TWNK: variants seen among roughly 807,000 people sequenced by gnomAD.
TWNK encodes T7 gp4-like protein with intramitochondrial nucleoid localization.
Under a neutral mutation model 58.2 loss-of-function variants are expected in TWNK, and 36 were observed. That is an observed-to-expected ratio of 0.62 (90% CI 0.47 to 0.82). The LOEUF (loss-of-function observed/expected upper bound fraction) is 0.82. TWNK is among the 40% of genes least tolerant of loss of function. The probability of loss-of-function intolerance (pLI) is 0.00; values close to 1 mark genes in which losing one functional copy is unlikely to be tolerated. For synonymous variants in TWNK, 349 were observed against 348.5 expected, an observed-to-expected ratio of 1.00 and a Z score of -0.02; for missense variants, 714 against 881.0, an observed-to-expected ratio of 0.81 and a Z score of 2.40.
In TWNK at chr10:100,987,993, TAGA is replaced by T. The variant is rs906706124; in HGVS notation, c.-215_-213del. 2.3e-5 allele frequency: 15 copies of T among 650,896 alleles called. No homozygotes were observed. In the African/African-American group the frequency reaches 2.7e-4, roughly 12 times the overall value. The allele number at this position is 650,896 out of a possible 1,614,324, so 40.3% of individuals were successfully genotyped here. A position where few individuals can be genotyped will look rare whatever the true frequency, so the allele number is the denominator to read the frequency against. On this transcript the variant is annotated 5_prime_UTR_variant, in exon 1 of 5. Transcript: ENST00000311916. ...GACCATAGAGGTGGGGGAGCCATTG[TAGA>T]AGGACGTGGACGCGAAAGGGTCGTG...
intron 4 of TWNK, 176 bp downstream of exon 4, chr10:100,991,186 G>C: frequency 1.1e-6 from 1 of 925,132 alleles, no homozygotes. Context: ...GCTGATAGTT[G>C]GTTCTTATGC....
In TWNK at chr10:100,989,305, G is replaced by A; in HGVS notation, c.1095G>A (p.Lys365=). 1 of 1,614,178 alleles carries A rather than the reference G, an allele frequency of 6.2e-7. No individual in the cohort carries two copies. The change falls in exon 1 of 5, where the codon AAG becomes AAA. Residue 365 remains lysine, a synonymous_variant. Coordinates refer to ENST00000311916, the MANE Select transcript of TWNK (RefSeq NM_021830.5). The surrounding 1 kb of genome is among the most constrained non-coding windows in gnomAD (Gnocchi z 7.6). ...GTACCGCCCTGCCTGCCTGGCACAAGTCCATCGTATCTTTCCGGCAGCTTC... is the reference window on the plus strand; with the variant it reads ...GTACCGCCCTGCCTGCCTGGCACAAATCCATCGTATCTTTCCGGCAGCTTC... ...ILRTALPAWH[K]SIVSFRQLRE... is the part of the protein sequence containing the mutation.
rs1851679463 is a variant in TWNK at position 100,989,016 on chromosome 10, G to A, written c.806G>A (p.Ser269Asn). Residue 269 changes from serine to asparagine, a missense_variant, in exon 1 of 5, where the codon AGC becomes AAC. By Grantham distance (46) the Ser-to-Asn change is conservative (BLOSUM62 1). Around this residue, in one of 3 missense-constraint regions of TWNK, gnomAD observed 348 missense variants for 388.4 expected, o/e 0.90. Coordinates refer to ENST00000311916, the MANE Select transcript of TWNK (RefSeq NM_021830.5). The surrounding 1 kb of genome is among the most constrained non-coding windows in gnomAD (Gnocchi z 7.6). ...GTACTGACGAGTCGTGAGCTTGACA[G>A]CCTGGCCTTGAACCAGTCCACGGGG... The part of the protein sequence containing the change: ...EVVLTSRELD[S>N]LALNQSTGLP... 1.2e-6 allele frequency: 2 copies of A among 1,614,180 alleles called. No homozygotes were observed. Among genetic ancestry groups the A allele is most frequent in the Non-Finnish European group, 1.7e-6 (2 of 1,180,030 alleles).
chr10:100,988,743 C>T lies in TWNK; in HGVS notation c.533C>T (p.Thr178Ile). The change falls in exon 1 of 5, where the codon ACA becomes ATA. Residue 178 changes from threonine to isoleucine, a missense_variant. Physicochemically the swap from Thr to Ile is moderately conservative, Grantham distance 89. Around this residue, in one of 3 missense-constraint regions of TWNK, gnomAD observed 348 missense variants for 388.4 expected, o/e 0.90. Transcript: ENST00000311916. This position sits in a 1 kb window ranked among gnomAD's most constrained non-coding sequence, Gnocchi z 5.2. The part of the protein sequence containing the change: ...PDQEEVQLAD[T>I]MFGLTKVTDD... ...CAGGAGGAGGTTCAGCTGGCTGATA[C>T]AATGTTTGGCCTTACCAAGGTTACA... The T allele has an allele frequency of 6.2e-7, 1 of 1,614,174 alleles. No individual in the cohort carries two copies. Among genetic ancestry groups the T allele is most frequent in the Non-Finnish European group, 8.5e-7 (1 of 1,180,036 alleles).
At position 100,988,055 on chromosome 10, in the gene TWNK, G is replaced by A. The variant is rs2133933541; in HGVS notation, c.-156G>A. The A allele has an allele frequency of 1.1e-6, 1 of 883,690 alleles. No homozygotes were observed. Among genetic ancestry groups the A allele is most frequent in the East Asian group, 2.5e-5 (1 of 40,426 alleles). The allele number at this position is 883,690 out of a possible 1,614,324, so 54.7% of individuals were successfully genotyped here. A position where few individuals can be genotyped will look rare whatever the true frequency, so the allele number is the denominator to read the frequency against. On this transcript the variant is annotated 5_prime_UTR_variant, in exon 1 of 5. Coordinates refer to ENST00000311916, the MANE Select transcript of TWNK (RefSeq NM_021830.5). This position sits in a 1 kb window ranked among gnomAD's most constrained non-coding sequence, Gnocchi z 5.2. ...CATATGTGTGAAGCAGCAACGTAGA[G>A]GGGCTGAAGAGGAGAAATTCATGGA...
Position 100,987,617 on chromosome 10 carries a change from A to C in TWNK, c.-594A>C. 1 of 964,598 alleles carries C rather than the reference A, an allele frequency of 1.0e-6. No homozygotes were observed. Among genetic ancestry groups the C allele is most frequent in the Non-Finnish European group, 1.5e-6 (1 of 670,996 alleles). 59.8% of individuals were successfully genotyped at this position (964,598 alleles called of 1,614,324 possible). A position where few individuals can be genotyped will look rare whatever the true frequency, so the allele number is the denominator to read the frequency against. ...CGAAGTGGGAGAGAGAAAAGTGGTA[A>C]CCTGGGGCTGGGGGCCGGCGCGGCG... On this transcript the variant is annotated 5_prime_UTR_variant, in exon 1 of 5. It removes the in-frame stop codon of an upstream open reading frame in the 5' UTR. Coordinates refer to ENST00000311916, the MANE Select transcript of TWNK (RefSeq NM_021830.5).
In TWNK at chr10:100,989,213, C is replaced by A. The variant is rs1554887028; in HGVS notation, c.1003C>A (p.Pro335Thr). The stretch of plus-strand genomic sequence containing the variant: ...CCCCAAACGATGCTTCTTGGTGCGA[C>A]CAGGAGACCAGCAACCCCGTCCCCT... The part of the protein sequence containing the change: ...LNPKRCFLVR[P>T]GDQQPRPLEA... The change falls in exon 1 of 5, where the codon CCA (proline) becomes ACA (threonine). Residue 335 changes from proline to threonine, a missense_variant. Physicochemically the swap from Pro to Thr is conservative, Grantham distance 38 (BLOSUM62 -1). Around this residue, in one of 3 missense-constraint regions of TWNK, gnomAD observed 302 missense variants for 438.6 expected, o/e 0.69. Coordinates refer to ENST00000311916, the MANE Select transcript of TWNK (RefSeq NM_021830.5). This position sits in a 1 kb window ranked among gnomAD's most constrained non-coding sequence, Gnocchi z 7.6. 3 of 1,614,182 alleles carry A rather than the reference C, an allele frequency of 1.9e-6. No homozygotes were observed. The highest frequency in any genetic ancestry group is 1.7e-6 in the Non-Finnish European group (2 of 1,180,036).
At chr10:100,990,083 C>G (rs1334184596) in intron 2 of TWNK, among the ~76,000 whole-genome samples, 199 bp downstream of exon 2, 1 of 150,142 alleles carries the variant, frequency 6.7e-6, no homozygotes, top group Non-Finnish European at 1.5e-5. Context: ...GTGGGAGGAT[C>G]ACTTGAGCCC....
chr10:100,989,697 T>C lies in TWNK; in HGVS notation c.1297T>C (p.Cys433Arg). 2 of 1,614,222 alleles carry C rather than the reference T, an allele frequency of 1.2e-6. No individual in the cohort carries two copies. The highest frequency in any genetic ancestry group is 4.5e-5 in the East Asian group (2 of 44,884). Reference sequence around the variant, plus strand: ...CATCAGTGAGTATGCCCTGGATTTGTGTTCCCAGGGGGTGAACACACTGTG... The same window carrying C: ...CATCAGTGAGTATGCCCTGGATTTGCGTTCCCAGGGGGTGAACACACTGTG... ...TFISEYALDL[C>R]SQGVNTLWGS... The change falls in exon 2 of 5, where the codon TGT becomes CGT. Residue 433 changes from cysteine to arginine, a missense_variant. Cys to Arg is a radical substitution (Grantham distance 180, BLOSUM62 -3). Transcript: ENST00000311916. This position sits in a 1 kb window ranked among gnomAD's most constrained non-coding sequence, Gnocchi z 7.6.
In TWNK at chr10:100,993,508, T is replaced by G; in HGVS notation, c.2053T>G (p.Ter685GlyextTer8). The G allele has an allele frequency of 6.2e-7, 1 of 1,614,058 alleles. No individual in the cohort carries two copies. The highest frequency in any genetic ancestry group is 8.5e-7 in the Non-Finnish European group (1 of 1,179,994). ...GCCAGACACCTCCAAGCGTTCAAAG[T>G]GAAGGCCGTGCAGAGCTGGTCACTG... Reference protein sequence around the residue: ...DQPDTSKRSK* With the variant: ...DQPDTSKRSKG The change falls in exon 5 of 5, where the codon TGA becomes GGA. Residue 685 changes from the stop codon to glycine (G), a stop_lost. Transcript: ENST00000311916.
Position 100,988,260 on chromosome 10 carries a change from T to A in TWNK, c.50T>A (p.Leu17Gln), listed in dbSNP as rs761301681. ...SGYPLRILLP[L>Q]RGEWMGRRGL... is the part of the protein sequence containing the mutation. ...TACCCCCTCCGTATCTTGTTACCCC[T>A]GCGTGGGGAGTGGATGGGTCGGAGG... Residue 17 changes from leucine (L) to glutamine (Q), a missense_variant, in exon 1 of 5, where the codon CTG (leucine) becomes CAG (glutamine). Leu to Gln is a moderately radical substitution (Grantham distance 113). Around this residue, in one of 3 missense-constraint regions of TWNK, gnomAD observed 348 missense variants for 388.4 expected, o/e 0.90. Transcript: ENST00000311916. This position sits in a 1 kb window ranked among gnomAD's most constrained non-coding sequence, Gnocchi z 5.2. 1.2e-6 allele frequency: 2 copies of A among 1,614,104 alleles called. No individual in the cohort carries two copies. Among genetic ancestry groups the A allele is most frequent in the South Asian group, 2.2e-5 (2 of 91,086 alleles).
intron 4 of TWNK, among the ~76,000 whole-genome samples, chr10:100,992,902 T>G (rs1851819696): frequency 6.6e-6 from 1 of 152,166 alleles, no homozygotes; most frequent in Non-Finnish European, 1.5e-5. Flanking sequence ...TTCTCCTGCC[T>G]CAGCCTCCCA....
chr10:100,993,634 C>G lies in TWNK; in HGVS notation c.*124C>G. ...CCCTTCTCAGTCTGAGGGGCCTAAC[C>G]TAGAGCAGGTTTCCATAGTGAGAAA... On this transcript the variant is annotated 3_prime_UTR_variant, in exon 5 of 5. Transcript: ENST00000311916. 9.3e-7 allele frequency: 1 copy of G among 1,071,956 alleles called. No individual in the cohort carries two copies. The highest frequency in any genetic ancestry group is 1.4e-5 in the South Asian group (1 of 72,866). The allele number at this position is 1,071,956 out of a possible 1,614,324, so 66.4% of individuals were successfully genotyped here.
At position 100,989,738 on chromosome 10, in the gene TWNK, C is replaced by T. The variant is rs766151894; in HGVS notation, c.1338C>T (p.Ile446=). 8.7e-6 allele frequency: 14 copies of T among 1,614,082 alleles called. No homozygotes were observed. The highest frequency in any genetic ancestry group is 1.7e-5 in the Admixed American group (1 of 60,002). Residue 446 remains isoleucine (I), a synonymous_variant, in exon 2 of 5, where the codon ATC becomes ATT. Transcript: ENST00000311916. This position sits in a 1 kb window ranked among gnomAD's most constrained non-coding sequence, Gnocchi z 7.6. ...ACACACTGTGGGGTAGCTTCGAGAT[C>T]AGCAATGTGAGACTAGCCCGGGTCA... The part of the protein sequence containing the change: ...GVNTLWGSFE[I]SNVRLARVML...
intron 4 of TWNK, chr10:100,991,337 T>G (rs2133943082): frequency 2.5e-6 from 1 of 394,788 alleles, no homozygotes; most frequent in Middle Eastern, 7.9e-4. Flanking sequence ...GCCCGGGACA[T>G]CTGGGAGACT....
rs1296874231 is a variant in TWNK, at chr10:100,992,151, C to T, written c.1735-1039C>T. Reference sequence around the variant, plus strand: ...CTGGGAGGTTGAGACTGCAGTGAGCCGTGCTCACACCACTGCACTCCACTC... The same window carrying T: ...CTGGGAGGTTGAGACTGCAGTGAGCTGTGCTCACACCACTGCACTCCACTC... On this transcript the variant is annotated intron_variant, in intron 4 of 4. Coordinates refer to ENST00000311916, the MANE Select transcript of TWNK (RefSeq NM_021830.5). Among the ~76,000 whole-genome samples the T allele has an allele frequency of 2.1e-4, 31 of 147,140 alleles. 1 individual carries two copies. The highest frequency in any genetic ancestry group is 1.2e-3 in the Admixed American group (18 of 14,796).
At position 100,989,177 on chromosome 10, in the gene TWNK, C is replaced by A. The variant is rs863223919; in HGVS notation, c.967C>A (p.Arg323=). The change falls in exon 1 of 5, where the codon CGA becomes AGA. Residue 323 remains arginine (R), a synonymous_variant. Coordinates refer to ENST00000311916, the MANE Select transcript of TWNK (RefSeq NM_021830.5). The surrounding 1 kb of genome is among the most constrained non-coding windows in gnomAD (Gnocchi z 7.6). ...RSWEAAKLFA[R]KLNPKRCFLV... is the part of the protein sequence containing the mutation. Reference sequence around the variant, plus strand: ...CTGGGAAGCCGCCAAGTTGTTTGCACGAAAACTGAACCCCAAACGATGCTT... The same window carrying A: ...CTGGGAAGCCGCCAAGTTGTTTGCAAGAAAACTGAACCCCAAACGATGCTT... 8.1e-6 allele frequency: 13 copies of A among 1,613,208 alleles called. No individual in the cohort carries two copies. The highest frequency in any genetic ancestry group is 6.7e-5 in the Admixed American group (4 of 59,984).
Position 100,988,368 on chromosome 10 carries a change from T to TG in TWNK, c.159dup (p.Pro54AlafsTer6). ...CTCCAAGCCTTGGATATGCCAGTGT[T>TG]GCCTGTAACTGCAACTGAAATCCGC... On this transcript the variant is annotated frameshift_variant, in exon 1 of 5. Transcript: ENST00000311916. LOFTEE classifies it high-confidence loss of function. The surrounding 1 kb of genome is among the most constrained non-coding windows in gnomAD (Gnocchi z 5.2). 1 of 1,614,268 alleles carries TG rather than the reference T, an allele frequency of 6.2e-7. No individual in the cohort carries two copies.
rs552210499 is a variant in TWNK, at chr10:100,991,070, G to C, written c.1734+60G>C. On this transcript the variant is annotated intron_variant, in intron 4 of 4. Transcript: ENST00000311916. Reference sequence around the variant, plus strand: ...AATAGAGTGGGTAGGTGTGACCAGGGACAGCCCTCATTCAGCCTTAATCGT... The same window carrying C: ...AATAGAGTGGGTAGGTGTGACCAGGCACAGCCCTCATTCAGCCTTAATCGT... 8.7e-6 allele frequency: 14 copies of C among 1,610,200 alleles called. 1 individual carries two copies. The South Asian group carries it at 1.4e-4, about 16-fold the overall frequency.
Sources: gnomAD v4.1 joint callset for allele counts (sites outside exome capture counted in the v4.1 genomes callset) on GRCh38, gnomAD v4.1.1 for gene constraint, gnomAD v4.1.1 regional missense constraint, Gnocchi (gnomAD v3.1) non-coding constraint, MANE v1.5 for transcripts, NCBI Gene and HGNC (gene_info 2026-07-23, HGNC 2026-07-21) for gene names.